BBX: variants seen among roughly 807,000 people sequenced by gnomAD.
BBX encodes BBX high mobility group box domain containing.
Under a neutral mutation model 100.2 loss-of-function variants are expected in BBX, and 30 were observed. That is an observed-to-expected ratio of 0.30 (90% confidence interval 0.22 to 0.41). BBX has a LOEUF of 0.41. Ranked by LOEUF, BBX falls within the 10% of genes least tolerant of loss-of-function variation. BBX has a pLI of 1.00. For synonymous variants in BBX, 376 were observed against 388.1 expected, an observed-to-expected ratio of 0.97 and a Z score of 0.37; for missense variants, 1,023 against 1,129.8, an observed-to-expected ratio of 0.91 and a Z score of 1.35.
chr3:107,619,357 C>T (rs945704068), intron 2 of BBX, among the ~76,000 whole-genome samples: 13 of 151,860 alleles, frequency 8.6e-5, no homozygotes, highest in Non-Finnish European at 1.6e-4. Flanking sequence ...TGGTGCATAA[C>T]CCCATAACCC....
intron 2 of BBX, among the ~76,000 whole-genome samples, chr3:107,614,659 C>T (rs2055117548): frequency 6.6e-6 from 1 of 152,176 alleles, no homozygotes; most frequent in African/African-American, 2.4e-5. Context: ...TTCTAGATTA[C>T]TTCTGATACT....
rs150352803 is a variant in BBX at position 107,763,538 on chromosome 3, G to A, written c.906+7860G>A. ...TTTATTTTATCTTTAAAGCGAGTCC[G>A]TAGTAACAAACTGAGCCTAAGGTAT... On this transcript the variant is annotated intron_variant, in intron 10 of 17. Coordinates refer to ENST00000325805, the MANE Select transcript of BBX (RefSeq NM_001142568.3). Among the ~76,000 whole-genome samples, 60 of 152,236 alleles carry A rather than the reference G, an allele frequency of 3.9e-4. 1 individual carries two copies. The highest frequency in any genetic ancestry group is 3.9e-3 in the East Asian group (20 of 5,182).
At chr3:107,722,071 A>T (rs34399177) in intron 5 of BBX, among the ~76,000 whole-genome samples, 214 of 152,080 alleles carry the variant, frequency 1.4e-3, no homozygotes, top group Middle Eastern at 3.4e-3. Flanking sequence ...TAAAAATATC[A>T]TTTGCCCAAT....
chr3:107,635,237 T>C (rs1218943427), intron 2 of BBX, among the ~76,000 whole-genome samples: 1 of 152,210 alleles, frequency 6.6e-6, no homozygotes, highest in African/African-American at 2.4e-5. Flanking sequence ...AAATTGATTA[T>C]GTTTTTCTGG....
At chr3:107,767,001 A>G (rs990853189) in intron 10 of BBX, among the ~76,000 whole-genome samples, 6 of 152,204 alleles carry the variant, frequency 3.9e-5, no homozygotes, top group Non-Finnish European at 8.8e-5. Flanking sequence ...GAATTGAACA[A>G]TGAGAACACA....
intron 10 of BBX, among the ~76,000 whole-genome samples, chr3:107,766,324 A>G (rs1254924376): frequency 6.6e-6 from 1 of 152,234 alleles, no homozygotes; most frequent in Non-Finnish European, 1.5e-5. Context: ...GAGAAATACA[A>G]AAATACAAAA....
chr3:107,555,219 T>C (rs1339844867), intron 2 of BBX, among the ~76,000 whole-genome samples: 1 of 152,220 alleles, frequency 6.6e-6, no homozygotes, highest in African/African-American at 2.4e-5. Context: ...TCTATTTGCA[T>C]GTACTTTTGA....
At chr3:107,755,852 A>G (rs1430319689) in intron 10 of BBX, among the ~76,000 whole-genome samples, 174 bp downstream of exon 10, 1 of 152,218 alleles carries the variant, frequency 6.6e-6, no homozygotes, top group Admixed American at 6.5e-5. Context: ...TTTTGCTACT[A>G]AGAGTCATTA....
chr3:107,803,399 C>T (rs1241225852), intron 17 of BBX, among the ~76,000 whole-genome samples: 1 of 152,056 alleles, frequency 6.6e-6, no homozygotes, highest in African/African-American at 2.4e-5. Context: ...TGTTATTGAA[C>T]CTGGGTTGCA....
intron 3 of BBX, among the ~76,000 whole-genome samples, chr3:107,665,663 C>G (rs964908055): frequency 6.6e-6 from 1 of 152,160 alleles, no homozygotes. Context: ...ATTTATCAGG[C>G]AACCCAGGCA....
intron 2 of BBX, among the ~76,000 whole-genome samples, chr3:107,576,883 A>C (rs1233946528): frequency 6.6e-6 from 1 of 151,938 alleles, no homozygotes; most frequent in Non-Finnish European, 1.5e-5. Context: ...ATTTTTTGAG[A>C]TGGAGTCTCA....
chr3:107,661,858 A>G (rs1316129556), intron 3 of BBX: 1 of 985,304 alleles, frequency 1.0e-6, no homozygotes, highest in Non-Finnish European at 1.2e-6. Flanking sequence ...AGCCTCTAGC[A>G]GTACCTGGTA....
At chr3:107,743,199 G>T (rs924079695) in intron 7 of BBX, among the ~76,000 whole-genome samples, 1 of 151,932 alleles carries the variant, frequency 6.6e-6, no homozygotes, top group South Asian at 2.1e-4. Flanking sequence ...GTAAAATTTT[G>T]ATTATTTACC....
At chr3:107,697,860 G>T (rs916723847) in intron 3 of BBX, among the ~76,000 whole-genome samples, 20 of 151,904 alleles carry the variant, frequency 1.3e-4, no homozygotes, top group African/African-American at 4.6e-4. Context: ...CTCCGTGGGC[G>T]TACGACCCTC....
chr3:107,625,539 C>T (rs1255072874), intron 2 of BBX, among the ~76,000 whole-genome samples: 3 of 152,228 alleles, frequency 2.0e-5, no homozygotes, highest in Non-Finnish European at 4.4e-5. Context: ...CTGCCTTGGC[C>T]TCCCAAAGTG....
intron 2 of BBX, among the ~76,000 whole-genome samples, chr3:107,538,896 C>T (rs535075529): frequency 3.2e-4 from 48 of 152,012 alleles, no homozygotes; most frequent in African/African-American, 1.0e-3. Context: ...GTGATCCTCT[C>T]GCCTTAGCTT....
intron 2 of BBX, among the ~76,000 whole-genome samples, chr3:107,620,893 G>A (rs2055697030): frequency 6.6e-6 from 1 of 150,376 alleles, no homozygotes; most frequent in African/African-American, 2.5e-5. Flanking sequence ...CTGCATAGGG[G>A]GTTGGAAATT....
In BBX at chr3:107,661,868, A is replaced by G. The variant is rs2058463286; in HGVS notation, c.-10+15959A>G. The G allele has an allele frequency of 5.1e-6, 5 of 985,286 alleles. No homozygotes were observed. The Admixed American group carries it at 2.5e-4, about 48-fold the overall frequency. 61.0% of individuals were successfully genotyped at this position (985,286 alleles called of 1,614,324 possible). On this transcript the variant is annotated intron_variant, in intron 3 of 17. Transcript: ENST00000325805. ...CCCCAAGCCTCTAGCAGTACCTGGT[A>G]TCATCTCCAGCATGTTATAGATGTG...
intron 10 of BBX, among the ~76,000 whole-genome samples, chr3:107,772,154 T>A (rs1244112021): frequency 1.3e-5 from 2 of 152,204 alleles, no homozygotes; most frequent in African/African-American, 2.4e-5. Context: ...TAAGGGATAT[T>A]CAGCCTGTGC....
Sources: allele counts gnomAD v4.1 joint callset (sites outside exome capture counted in the v4.1 genomes callset), GRCh38; gene constraint gnomAD v4.1.1; transcripts MANE v1.5; gene names NCBI Gene and HGNC (gene_info 2026-07-23, HGNC 2026-07-21).